The following NBEA variants were observed in gnomAD, a reference collection of about 807,000 sequenced individuals.
The protein encoded by NBEA is neurobeachin, also known as lysosomal-trafficking regulator 2.
In NBEA, 44 loss-of-function variants were observed where a neutral mutation model predicts 343.4. The ratio of observed to expected loss-of-function variants is 0.13; its 90% confidence interval spans 0.10 to 0.16. The LOEUF is 0.16. NBEA is among the 10% of genes least tolerant of loss of function. The pLI is 1.00. For synonymous variants in NBEA, 1,175 were observed against 1,238.7 expected, an observed-to-expected ratio of 0.95 and a Z score of 1.08; for missense variants, 2,555 against 3,631.3, an observed-to-expected ratio of 0.70 and a Z score of 7.62.
At chr13:35,113,590 T>TCC (rs2066330301) in intron 13 of NBEA, among the ~76,000 whole-genome samples, 1 of 132,770 alleles carries the variant, frequency 7.5e-6, no homozygotes, top group African/African-American at 2.9e-5. Flanking sequence ...TCCACTCATC[T>TCC]ATCTATCTAT....
At chr13:35,465,177 A>G (rs1006536184) in intron 40 of NBEA, among the ~76,000 whole-genome samples, 2 of 152,080 alleles carry the variant, frequency 1.3e-5, no homozygotes, top group African/African-American at 4.8e-5. Flanking sequence ...TTTCAGAAAA[A>G]CATAAAAGAT....
chr13:35,216,588 G>A (rs887169025), intron 33 of NBEA, among the ~76,000 whole-genome samples: 1 of 151,824 alleles, frequency 6.6e-6, no homozygotes, highest in Admixed American at 6.6e-5. Flanking sequence ...TACAAATGTA[G>A]TATTTTTTAT....
At chr13:35,646,208 C>A (rs2084224420) in intron 50 of NBEA, 51 bp from the exon 51 acceptor site, 3 of 1,369,412 alleles carry the variant, frequency 2.2e-6, no homozygotes, top group African/African-American at 2.9e-5. Flanking sequence ...GTGTGTTGGC[C>A]TCTCTCTTTG....
intron 28 of NBEA, among the ~76,000 whole-genome samples, chr13:35,177,618 A>G (rs562065177): frequency 6.6e-6 from 1 of 151,878 alleles, no homozygotes; most frequent in Non-Finnish European, 1.5e-5. Flanking sequence ...AAGAGGTTTC[A>G]TGGAACCCTC....
At position 35,159,334 on chromosome 13, in the gene NBEA, C is replaced by T; in HGVS notation, c.3163C>T (p.Leu1055Phe). The T allele has an allele frequency of 1.2e-6, 2 of 1,613,454 alleles. No homozygotes were observed. The highest frequency in any genetic ancestry group is 1.7e-6 in the Non-Finnish European group (2 of 1,179,662). ...GSGVHVEVHD[L>F]LVDIKAEKVE... ...TGGTGTACATGTGGAAGTACATGATCTTTTAGTAGATATAAAAGCAGAGAA... is the reference window on the plus strand; with the variant it reads ...TGGTGTACATGTGGAAGTACATGATTTTTTAGTAGATATAAAAGCAGAGAA... The change falls in exon 22 of 59, where the codon CTT (leucine) becomes TTT (phenylalanine). Residue 1055 changes from leucine (L) to phenylalanine (F), a missense_variant. Transcript: ENST00000379939.
At chr13:35,403,774 G>C (rs886488497) in intron 38 of NBEA, among the ~76,000 whole-genome samples, 8 of 151,950 alleles carry the variant, frequency 5.3e-5, no homozygotes, top group African/African-American at 1.2e-4. Flanking sequence ...TTAAACTAAA[G>C]AGCTTCTGCA....
At chr13:35,057,435 G>T (rs1205769659) in intron 7 of NBEA, among the ~76,000 whole-genome samples, 1 of 151,962 alleles carries the variant, frequency 6.6e-6, no homozygotes, top group Non-Finnish European at 1.5e-5. Flanking sequence ...AAAGGTTTTT[G>T]TTTTTTTGTT....
intron 40 of NBEA, among the ~76,000 whole-genome samples, chr13:35,462,215 T>A (rs2046946344): frequency 6.6e-6 from 1 of 152,056 alleles, no homozygotes; most frequent in African/African-American, 2.4e-5. Flanking sequence ...AAGACACATA[T>A]GATCAAAATT....
At chr13:35,253,844 AG>A (rs948552077) in intron 34 of NBEA, among the ~76,000 whole-genome samples, 6 of 150,704 alleles carry the variant, frequency 4.0e-5, no homozygotes, top group Non-Finnish European at 7.4e-5. Context: ...AGAAGTATTA[AG>A]AAAAAAAAAA....
chr13:35,306,941 C>G (rs906028621), intron 35 of NBEA, among the ~76,000 whole-genome samples: 4 of 152,112 alleles, frequency 2.6e-5, no homozygotes, highest in African/African-American at 9.6e-5. Context: ...ATGCCTTACT[C>G]AATATTTCTA....
intron 55 of NBEA, among the ~76,000 whole-genome samples, chr13:35,657,811 A>G (rs1031473888): frequency 1.3e-5 from 2 of 152,200 alleles, no homozygotes; most frequent in South Asian, 4.1e-4. Flanking sequence ...ACCGTCTTCA[A>G]AATGAAGCCC....
intron 48 of NBEA, among the ~76,000 whole-genome samples, chr13:35,611,401 G>C (rs529942139): frequency 6.6e-6 from 1 of 152,130 alleles, no homozygotes; most frequent in Non-Finnish European, 1.5e-5. Context: ...TCACTTTCTT[G>C]CTGTCACTTG....
At chr13:35,278,232 T>G (rs1051949851) in intron 34 of NBEA, among the ~76,000 whole-genome samples, 1 of 151,456 alleles carries the variant, frequency 6.6e-6, no homozygotes, top group Non-Finnish European at 1.5e-5. Flanking sequence ...AAGAATAGAT[T>G]GTATTGAACA....
At chr13:35,352,375 G>A in intron 38 of NBEA, 52 bp downstream of exon 38, 1 of 1,008,258 alleles carries the variant, frequency 9.9e-7, no homozygotes, top group African/African-American at 1.7e-5. Flanking sequence ...AATTATAATA[G>A]TTGGTAATAA....
chr13:35,197,471 AGGGGTAGAGGATGTG>A (rs2072699705), intron 31 of NBEA, among the ~76,000 whole-genome samples: 1 of 152,054 alleles, frequency 6.6e-6, no homozygotes, highest in Non-Finnish European at 1.5e-5. Flanking sequence ...ATTTTAGTTT[AGGGGTAGAGGATGTG>A]GCGGTATAGT....
intron 10 of NBEA, among the ~76,000 whole-genome samples, chr13:35,094,007 GA>G (rs1464645123): frequency 6.6e-6 from 1 of 151,676 alleles, no homozygotes. Flanking sequence ...GATTTATAAT[GA>G]TTTTTTTACA....
At chr13:35,468,118 C>G (rs1373520212) in intron 40 of NBEA, among the ~76,000 whole-genome samples, 4 of 145,364 alleles carry the variant, frequency 2.8e-5, no homozygotes, top group Non-Finnish European at 4.5e-5. Flanking sequence ...ACCCCCCCCC[C>G]ACTCCCCTCC....
At chr13:35,639,350 G>T (rs2083835742) in intron 49 of NBEA, among the ~76,000 whole-genome samples, 1 of 152,028 alleles carries the variant, frequency 6.6e-6, no homozygotes. Flanking sequence ...TGCTTTATAT[G>T]ATCTTGTTTT....
chr13:35,016,791 A>G (rs1390771033), intron 1 of NBEA, among the ~76,000 whole-genome samples: 1 of 152,182 alleles, frequency 6.6e-6, no homozygotes, highest in Non-Finnish European at 1.5e-5. Context: ...CAAACTGAGA[A>G]GTATAAGAAA....
Sources: allele counts gnomAD v4.1 joint callset (sites outside exome capture counted in the v4.1 genomes callset), GRCh38; gene constraint gnomAD v4.1.1; transcripts MANE v1.5; gene names NCBI Gene and HGNC (gene_info 2026-07-23, HGNC 2026-07-21).